STAG1: variants seen among roughly 807,000 people sequenced by gnomAD.
STAG1 encodes STAG1 cohesin complex component.
A neutral mutation model predicts 170.9 loss-of-function variants in STAG1; 26 were observed. The observed-to-expected ratio is 0.15, with a 90% CI of 0.11 to 0.21. The LOEUF is 0.21. Among genes scored for constraint, STAG1 ranks in the 10% least tolerant of loss-of-function variants. The probability of loss-of-function intolerance (pLI) is 1.00; values close to 1 mark genes in which losing one functional copy is unlikely to be tolerated. For synonymous variants in STAG1, 514 were observed against 497.7 expected, an observed-to-expected ratio of 1.03 and a Z score of -0.44; for missense variants, 964 against 1,509.5, an observed-to-expected ratio of 0.64 and a Z score of 5.99.
intron 1 of STAG1, among the ~76,000 whole-genome samples, chr3:136,704,549 C>T (rs1576787865): frequency 6.6e-6 from 1 of 151,584 alleles, no homozygotes; most frequent in East Asian, 2.0e-4. Flanking sequence ...AAAGAATGGC[C>T]GGGAGTAGTG....
intron 9 of STAG1, among the ~76,000 whole-genome samples, 188 bp from the exon 10 acceptor site, chr3:136,477,600 GA>G (rs924574990): frequency 4.0e-5 from 6 of 149,386 alleles, no homozygotes; most frequent in Admixed American, 2.0e-4. Context: ...TACCAAACTG[GA>G]AAAAAAAAGC....
At chr3:136,567,104 ACTT>A (rs1408536446) in intron 5 of STAG1, among the ~76,000 whole-genome samples, 1 of 152,136 alleles carries the variant, frequency 6.6e-6, no homozygotes, top group Non-Finnish European at 1.5e-5. Context: ...AAAGGCAAAG[ACTT>A]CTTATTATAC....
chr3:136,701,007 G>A (rs778094036), intron 1 of STAG1, among the ~76,000 whole-genome samples: 11 of 146,428 alleles, frequency 7.5e-5, no homozygotes, highest in Non-Finnish European at 1.0e-4. Context: ...TCAGCCTCCC[G>A]AGTAGCTGGA....
chr3:136,568,941 G>A lies in STAG1; in HGVS notation c.298-80C>T, dbSNP rs1576617329. 5 of 956,802 alleles carry A rather than the reference G, an allele frequency of 5.2e-6. 1 individual carries two copies. The Middle Eastern group carries it at 1.6e-3, about 310-fold the overall frequency. 59.3% of individuals were successfully genotyped at this position (956,802 alleles called of 1,614,324 possible). On this transcript the variant is annotated intron_variant, in intron 4 of 33. Coordinates refer to ENST00000383202, the MANE Select transcript of STAG1 (RefSeq NM_005862.3). ...AATAAATTTTCAAAAAAGTTTGTGT[G>A]TTTGTGTGTGTTTCTATCTGAACGA...
chr3:136,423,190 G>C (rs2088010620), intron 16 of STAG1, 146 bp from the exon 17 acceptor site: 1 of 537,284 alleles, frequency 1.9e-6, no homozygotes, highest in South Asian at 3.8e-5. Flanking sequence ...GAAAGTTTAT[G>C]CAAATTTTTA....
intron 3 of STAG1, among the ~76,000 whole-genome samples, chr3:136,614,250 AT>A (rs1939463557): frequency 6.6e-6 from 1 of 152,180 alleles, no homozygotes; most frequent in African/African-American, 2.4e-5. Flanking sequence ...AAGAACTTAT[AT>A]TATTTAAGAT....
intron 4 of STAG1, among the ~76,000 whole-genome samples, chr3:136,600,370 A>T (rs988044743): frequency 6.6e-6 from 1 of 152,156 alleles, no homozygotes. Flanking sequence ...CCTATTCTTC[A>T]TGAAGCACTT....
At chr3:136,665,322 G>A (rs1157351445) in intron 1 of STAG1, among the ~76,000 whole-genome samples, 1 of 152,194 alleles carries the variant, frequency 6.6e-6, no homozygotes, top group Non-Finnish European at 1.5e-5. Context: ...ATGGAAGCCA[G>A]AGGAAGGACT....
chr3:136,548,492 C>T lies in STAG1; in HGVS notation c.395-6297G>A, dbSNP rs557875504. ...GCTTCCAGCTTTGTTCTTCCTTCCT[C>T]AGACTGTTTTGGGTATTAAGGGTTC... On this transcript the variant is annotated intron_variant, in intron 5 of 33. Coordinates refer to ENST00000383202, the MANE Select transcript of STAG1 (RefSeq NM_005862.3). 1.5e-4 allele frequency among the ~76,000 whole-genome samples: 23 copies of T among 152,226 alleles called. No individual in the cohort carries two copies. The South Asian group carries it at 4.8e-3, about 32-fold the overall frequency.
chr3:136,461,617 C>T (rs934265235), intron 13 of STAG1, among the ~76,000 whole-genome samples: 3 of 142,390 alleles, frequency 2.1e-5, no homozygotes, highest in Admixed American at 2.1e-4. Flanking sequence ...AGAAAGAAAA[C>T]ACTGGGGATT....
intron 21 of STAG1, among the ~76,000 whole-genome samples, chr3:136,411,338 T>A (rs1387141204): frequency 2.6e-5 from 4 of 152,008 alleles, no homozygotes; most frequent in East Asian, 3.9e-4. Context: ...AAAAATAAAA[T>A]AAAAAATTAT....
At chr3:136,718,368 GT>G (rs1198909851) in intron 1 of STAG1, among the ~76,000 whole-genome samples, 1 of 152,048 alleles carries the variant, frequency 6.6e-6, no homozygotes, top group Non-Finnish European at 1.5e-5. Context: ...ATAATTAAAA[GT>G]TTTTTTAATA....
chr3:136,718,743 G>A lies in STAG1; in HGVS notation c.-84+33452C>T, dbSNP rs1933020686. Among the ~76,000 whole-genome samples, 3 of 152,232 alleles carry A rather than the reference G, an allele frequency of 2.0e-5. No individual in the cohort carries two copies. In the South Asian group the frequency reaches 6.2e-4, roughly 32 times the overall value. On this transcript the variant is annotated intron_variant, in intron 1 of 33. Coordinates refer to ENST00000383202, the MANE Select transcript of STAG1 (RefSeq NM_005862.3). ...AGTTTGAGACCAGCCTGGCCAACAT[G>A]GCAAAACCCCATTTCTACTACGAAT...
Position 136,476,191 on chromosome 3 carries a change from G to A in STAG1, c.1026+1098C>T, listed in dbSNP as rs572869595. On this transcript the variant is annotated intron_variant, in intron 10 of 33. Transcript: ENST00000383202. ...TACCTGGAAGCCTCAAATAAGGCAG[G>A]TGCCTATAGGACAATGCTAGTAGCC... 8.9e-4 allele frequency among the ~76,000 whole-genome samples: 135 copies of A among 152,294 alleles called. 3 individuals are homozygous for A. The South Asian group carries it at 0.026, about 29-fold the overall frequency.
intron 1 of STAG1, among the ~76,000 whole-genome samples, chr3:136,739,684 T>TCC (rs2107949469): frequency 6.6e-6 from 1 of 151,422 alleles, no homozygotes; most frequent in South Asian, 2.1e-4. Flanking sequence ...ATTAGCCAGA[T>TCC]GTGGTGGCAG....
intron 1 of STAG1, among the ~76,000 whole-genome samples, chr3:136,690,133 G>C (rs1942675261): frequency 6.6e-6 from 1 of 151,154 alleles, no homozygotes; most frequent in Admixed American, 6.6e-5. Context: ...GAATGTCCAG[G>C]AATTCTTTTA....
intron 4 of STAG1, among the ~76,000 whole-genome samples, chr3:136,574,590 G>C (rs929704148): frequency 4.6e-5 from 7 of 152,052 alleles, no homozygotes; most frequent in Admixed American, 1.3e-4. Context: ...CAAACATAAA[G>C]AGAAATATTT....
At chr3:136,421,056 C>T in intron 20 of STAG1, 37 bp downstream of exon 20, 1 of 1,368,186 alleles carries the variant, frequency 7.3e-7, no homozygotes. Flanking sequence ...CAGGCATGAG[C>T]CACCTCGTTG....
chr3:136,662,952 G>A (rs188479861), intron 1 of STAG1, among the ~76,000 whole-genome samples: 1,571 of 152,276 alleles, frequency 0.01, 29 homozygotes, highest in African/African-American at 0.036. Context: ...TTGGGAGGCT[G>A]AGGCAGGAGA....
Sources: allele counts gnomAD v4.1 joint callset (sites outside exome capture counted in the v4.1 genomes callset), GRCh38; gene constraint gnomAD v4.1.1; transcripts MANE v1.5; gene names NCBI Gene and HGNC (gene_info 2026-07-23, HGNC 2026-07-21).